Variants in TENM2 observed in about 807,000 individuals in gnomAD.
TENM2 encodes teneurin transmembrane protein 2, also known as teneurin-2.
TENM2 carries 52 observed loss-of-function variants against 245.2 expected under a neutral mutation model. The observed-to-expected ratio is 0.21, with a 90% confidence interval of 0.17 to 0.27. The LOEUF is 0.27. TENM2 is among the 10% of genes least tolerant of loss of function. TENM2 has a pLI of 1.00. For missense variants in TENM2, 3,046 were observed against 3,666.8 expected (o/e 0.83, Z 4.37); for synonymous variants, 1,363 against 1,438.9 (o/e 0.95, Z 1.19).
At chr5:167,226,288 T>C in the TENM2 span, among the ~76,000 whole-genome samples, 5 of 152,056 alleles carry the variant, frequency 3.3e-5, no homozygotes. Flanking sequence ...TGTAGGCATT[T>C]AGCCTTTTCT....
chr5:167,724,352 T>C (rs137976510), intron 2 of TENM2, among the ~76,000 whole-genome samples: 64 of 152,150 alleles, frequency 4.2e-4, no homozygotes, highest in African/African-American at 1.5e-3. Context: ...TGTCTCTGAA[T>C]CTCTTCATGT....
intron 5 of TENM2, among the ~76,000 whole-genome samples, chr5:168,030,158 C>CTTTTTTTTTTTTTTT (rs540326142): frequency 7.7e-5 from 5 of 65,296 alleles, no homozygotes; most frequent in African/African-American, 1.4e-4. Flanking sequence ...GGTTCTGGCT[C>CTTTTTTTTTTTTTTT]TTTTTTTTTT....
intron 2 of TENM2, among the ~76,000 whole-genome samples, chr5:167,785,638 A>T: frequency 6.6e-6 from 1 of 152,218 alleles, no homozygotes; most frequent in East Asian, 1.9e-4. Flanking sequence ...TGGTAGTTCA[A>T]GTAGGCAGGT....
At chr5:167,522,712 G>T (rs937225100) in intron 2 of TENM2, among the ~76,000 whole-genome samples, 15 of 151,840 alleles carry the variant, frequency 9.9e-5, no homozygotes, top group Non-Finnish European at 1.9e-4. Context: ...TTCATCTAAG[G>T]GATAATGCCT....
At chr5:168,065,767 T>A (rs1188695318) in intron 7 of TENM2, among the ~76,000 whole-genome samples, 2 of 151,674 alleles carry the variant, frequency 1.3e-5, no homozygotes, top group African/African-American at 4.8e-5. Flanking sequence ...TGCTAAATGT[T>A]TATATATTAT....
chr5:167,406,488 A>G (rs377336507), intron 2 of TENM2, among the ~76,000 whole-genome samples: 13 of 152,318 alleles, frequency 8.5e-5, no homozygotes, highest in African/African-American at 1.7e-4. Flanking sequence ...ATGTGAATGT[A>G]TATCAGCAGA....
At chr5:167,580,217 TG>T (rs1380734805) in intron 2 of TENM2, among the ~76,000 whole-genome samples, 1 of 152,250 alleles carries the variant, frequency 6.6e-6, no homozygotes, top group African/African-American at 2.4e-5. Flanking sequence ...CCTCTGCTAA[TG>T]CTATGCAAGG....
intron 2 of TENM2, among the ~76,000 whole-genome samples, chr5:167,421,361 G>A (rs1018487793): frequency 2.0e-5 from 3 of 152,166 alleles, no homozygotes; most frequent in South Asian, 2.1e-4. Context: ...GTGTACACAC[G>A]TTAACCTTGT....
intron 2 of TENM2, among the ~76,000 whole-genome samples, chr5:167,719,913 A>G (rs1042443954): frequency 1.3e-5 from 2 of 152,012 alleles, no homozygotes; most frequent in Non-Finnish European, 2.9e-5. Context: ...ACAGGTTGAG[A>G]ACCCTTGCTG....
chr5:168,224,693 C>A (rs1379776954), intron 23 of TENM2, among the ~76,000 whole-genome samples: 4 of 152,190 alleles, frequency 2.6e-5, no homozygotes, highest in African/African-American at 4.8e-5. Flanking sequence ...ACCCTGCCAG[C>A]TTTTTCCCTC....
chr5:168,079,592 G>T (rs1300240275), intron 7 of TENM2, among the ~76,000 whole-genome samples: 2 of 152,120 alleles, frequency 1.3e-5, no homozygotes, highest in Non-Finnish European at 2.9e-5. Context: ...TTATTATTTT[G>T]AGATACATCC....
intron 2 of TENM2, among the ~76,000 whole-genome samples, chr5:167,720,096 TA>T (rs943496028): frequency 2.0e-5 from 3 of 152,032 alleles, no homozygotes; most frequent in African/African-American, 7.2e-5. Flanking sequence ...TCTGAGTACT[TA>T]AAAACAAAAA....
At chr5:168,226,846 T>C (rs542117957) in intron 24 of TENM2, among the ~76,000 whole-genome samples, 1 of 152,208 alleles carries the variant, frequency 6.6e-6, no homozygotes, top group East Asian at 1.9e-4. Flanking sequence ...GGCAAGAAAA[T>C]GAATTGTGCC....
chr5:167,904,194 C>G (rs1775917103), intron 3 of TENM2, among the ~76,000 whole-genome samples: 1 of 152,150 alleles, frequency 6.6e-6, no homozygotes, highest in Non-Finnish European at 1.5e-5. Flanking sequence ...TGTCTTAGAA[C>G]TCTTGGAGAG....
At chr5:167,834,207 G>T (rs1768764400) in intron 2 of TENM2, among the ~76,000 whole-genome samples, 2 of 152,184 alleles carry the variant, frequency 1.3e-5, no homozygotes, top group African/African-American at 4.8e-5. Context: ...CTTTAGAGTG[G>T]CTAGAAGGAG....
the TENM2 span, among the ~76,000 whole-genome samples, chr5:167,195,993 G>T: frequency 1.3e-5 from 2 of 151,876 alleles, no homozygotes; most frequent in Admixed American, 6.6e-5. Flanking sequence ...ACCATCACTC[G>T]TTGTTTAATA....
chr5:167,611,436 A>G (rs935418747), intron 2 of TENM2, among the ~76,000 whole-genome samples: 1 of 152,060 alleles, frequency 6.6e-6, no homozygotes, highest in African/African-American at 2.4e-5. Context: ...AGGAGGTGCC[A>G]CAGAAGGAGG....
At chr5:167,445,311 T>TTATATATATATATATATATATGTA (rs1765095428) in intron 2 of TENM2, among the ~76,000 whole-genome samples, 1 of 69,984 alleles carries the variant, frequency 1.4e-5, no homozygotes, top group South Asian at 6.8e-4. Context: ...AACCATATGA[T>TTATATATATATATATATATATGTA]TATATATATA....
chr5:167,821,593 G>C (rs986408162), intron 2 of TENM2, among the ~76,000 whole-genome samples: 32 of 152,178 alleles, frequency 2.1e-4, no homozygotes, highest in African/African-American at 7.7e-4. Flanking sequence ...TAGTTCCATC[G>C]TGGGAAAAGA....
Sources: allele counts gnomAD v4.1 joint callset (sites outside exome capture counted in the v4.1 genomes callset), GRCh38; gene constraint gnomAD v4.1.1; transcripts MANE v1.5; gene names NCBI Gene and HGNC (gene_info 2026-07-23, HGNC 2026-07-21).